The following AGAP1 variants were observed in gnomAD, a reference collection of about 807,000 sequenced individuals.
AGAP1 encodes ArfGAP with GTPase domain, ankyrin repeat and PH domain 1.
In AGAP1, 29 loss-of-function variants were observed where a neutral mutation model predicts 105.3. The observed-to-expected ratio is 0.28, with a 90% CI of 0.21 to 0.38. AGAP1 has a LOEUF of 0.38. AGAP1 is among the 10% of genes least tolerant of loss of function. AGAP1 has a pLI of 1.00. For synonymous variants in AGAP1, 509 were observed against 485.9 expected, an observed-to-expected ratio of 1.05 and a Z score of -0.63; for missense variants, 998 against 1,165.1, an observed-to-expected ratio of 0.86 and a Z score of 2.09.
chr2:236,090,975 G>GAATA lies in AGAP1; in HGVS notation c.2115-29217_2115-29216insAATA. Among the ~76,000 whole-genome samples the GAATA allele has an allele frequency of 1.3e-5, 2 of 152,222 alleles. No homozygotes were observed. The highest frequency in any genetic ancestry group is 4.8e-5 in the African/African-American group (2 of 41,460). On this transcript the variant is annotated intron_variant, in intron 16 of 17. Transcript: ENST00000304032. This position sits in a 1 kb window ranked among gnomAD's most constrained non-coding sequence, Gnocchi z 4.3. The stretch of plus-strand genomic sequence containing the variant: ...GCTGGTGTCGACCTCCTGACCTCAG[G>GAATA]TGATCTGCCCACCTCGGCCTCCCGA...
At chr2:235,894,418 C>A (rs2050700025) in intron 10 of AGAP1, among the ~76,000 whole-genome samples, 1 of 152,180 alleles carries the variant, frequency 6.6e-6, no homozygotes, top group African/African-American at 2.4e-5. Flanking sequence ...ATATCTGGCC[C>A]TTCAAGCCAG....
chr2:235,780,609 T>C (rs1276816206), intron 6 of AGAP1, among the ~76,000 whole-genome samples: 1 of 152,224 alleles, frequency 6.6e-6, no homozygotes, highest in African/African-American at 2.4e-5. Flanking sequence ...TGCAACGGTG[T>C]AGCTAATGAG....
intron 9 of AGAP1, among the ~76,000 whole-genome samples, chr2:235,862,194 A>G (rs948794681): frequency 6.6e-6 from 1 of 151,776 alleles, no homozygotes; most frequent in Non-Finnish European, 1.5e-5. Flanking sequence ...GCCCGGGACC[A>G]TGACTCTGAT....
chr2:236,115,382 G>A (rs755035748), intron 16 of AGAP1, among the ~76,000 whole-genome samples: 62 of 152,036 alleles, frequency 4.1e-4, no homozygotes, highest in Admixed American at 1.6e-3. Flanking sequence ...AAAGGCGAAC[G>A]TCTACACCAC....
Position 235,793,285 on chromosome 2 carries a change from TC to T in AGAP1, c.674-4472del, listed in dbSNP as rs1280165227. ...GAATGGGGCGTGGCACACGGTGTAATCCGGGCAGCCTTGGCGAGCACCTCCT... is the reference window on the plus strand; with the variant it reads ...GAATGGGGCGTGGCACACGGTGTAATCGGGCAGCCTTGGCGAGCACCTCCT... On this transcript the variant is annotated intron_variant, in intron 6 of 17. Coordinates refer to ENST00000304032, the MANE Select transcript of AGAP1 (RefSeq NM_001037131.3). The surrounding 1 kb of genome is among the most constrained non-coding windows in gnomAD (Gnocchi z 5.3). 3.3e-5 allele frequency among the ~76,000 whole-genome samples: 5 copies of T among 152,152 alleles called. No individual in the cohort carries two copies. Among genetic ancestry groups the T allele is most frequent in the African/African-American group, 9.7e-5 (4 of 41,436 alleles).
chr2:235,886,882 T>G (rs778556808), intron 10 of AGAP1, among the ~76,000 whole-genome samples: 10 of 151,704 alleles, frequency 6.6e-5, no homozygotes, highest in Non-Finnish European at 1.3e-4. Context: ...CTCTGACAGG[T>G]GCATACGAGT....
chr2:235,635,236 C>G lies in AGAP1; in HGVS notation c.164-73943C>G, dbSNP rs934019562. 5.3e-5 allele frequency among the ~76,000 whole-genome samples: 8 copies of G among 152,146 alleles called. No homozygotes were observed. The highest frequency in any genetic ancestry group is 1.7e-4 in the African/African-American group (7 of 41,442). Reference sequence around the variant, plus strand: ...CAGCAGTGGGTCGGTCAAACCTTTCCAAGCCTCCGTGTCCTCATCTGAAAA... The same window carrying G: ...CAGCAGTGGGTCGGTCAAACCTTTCGAAGCCTCCGTGTCCTCATCTGAAAA... On this transcript the variant is annotated intron_variant, in intron 1 of 17. Transcript: ENST00000304032. The surrounding 1 kb of genome is among the most constrained non-coding windows in gnomAD (Gnocchi z 5.3).
intron 16 of AGAP1, among the ~76,000 whole-genome samples, chr2:236,070,751 T>C (rs1328587433): frequency 6.6e-6 from 1 of 151,868 alleles, no homozygotes; most frequent in Non-Finnish European, 1.5e-5. Context: ...AGAAAGTGGA[T>C]TGGGGTGGCC....
At chr2:235,861,431 A>G (rs6709782) in intron 9 of AGAP1, among the ~76,000 whole-genome samples, 62,108 of 152,110 alleles carry the variant, frequency 0.41, 13,827 homozygotes, top group South Asian at 0.63. Flanking sequence ...CTACTCCCTC[A>G]TCAGGGAACA....
At chr2:236,102,627 G>C (rs553302963) in intron 16 of AGAP1, among the ~76,000 whole-genome samples, 7 of 151,420 alleles carry the variant, frequency 4.6e-5, no homozygotes, top group Admixed American at 1.3e-4. Context: ...AACTTCCTTT[G>C]AGCAGAATAA....
rs1943748805 is a variant in AGAP1, at chr2:235,549,868, G to T, written c.163+55019G>T. On this transcript the variant is annotated intron_variant, in intron 1 of 17. Transcript: ENST00000304032. The surrounding 1 kb of genome is among the most constrained non-coding windows in gnomAD (Gnocchi z 4.2). ...GAGCATGGGGATTAGTGGAGTGAGT[G>T]GGAGGACTCGCCCTGCGCAGGTGGA... is the stretch of plus-strand genomic sequence containing the variant. Among the ~76,000 whole-genome samples the T allele has an allele frequency of 6.6e-6, 1 of 152,174 alleles. No homozygotes were observed. Among genetic ancestry groups the T allele is most frequent in the South Asian group, 2.1e-4 (1 of 4,830 alleles).
intron 7 of AGAP1, among the ~76,000 whole-genome samples, chr2:235,798,278 A>G (rs1559500595): frequency 6.6e-6 from 1 of 152,160 alleles, no homozygotes; most frequent in Non-Finnish European, 1.5e-5. Flanking sequence ...ATTCAATTAT[A>G]ATTACCATCT....
intron 16 of AGAP1, among the ~76,000 whole-genome samples, chr2:236,052,926 G>T (rs1009213006): frequency 6.6e-6 from 1 of 152,194 alleles, no homozygotes; most frequent in Admixed American, 6.5e-5. Context: ...TCGATTTTAA[G>T]TGGGGATGTT....
In AGAP1 at chr2:235,970,689, G is replaced by A. The variant is rs1022781430; in HGVS notation, c.1645+2066G>A. ...TCATTATCCCACCCACGTGTTGACCGCTGTGTAAATGAGTGAATAAATCAG... is the reference window on the plus strand; with the variant it reads ...TCATTATCCCACCCACGTGTTGACCACTGTGTAAATGAGTGAATAAATCAG... On this transcript the variant is annotated intron_variant, in intron 13 of 17. Coordinates refer to ENST00000304032, the MANE Select transcript of AGAP1 (RefSeq NM_001037131.3). This position sits in a 1 kb window ranked among gnomAD's most constrained non-coding sequence, Gnocchi z 5.4. 5.3e-5 allele frequency among the ~76,000 whole-genome samples: 8 copies of A among 152,314 alleles called. No individual in the cohort carries two copies. Among genetic ancestry groups the A allele is most frequent in the South Asian group, 4.1e-4 (2 of 4,830 alleles).
chr2:236,060,093 AAC>A (rs370048554), intron 16 of AGAP1, among the ~76,000 whole-genome samples: 14 of 151,504 alleles, frequency 9.2e-5, no homozygotes, highest in African/African-American at 2.4e-4. Flanking sequence ...TTCGTCTCAA[AAC>A]ACACACACAC....
rs1949655635 is a variant in AGAP1 at position 235,689,858 on chromosome 2, C to T, written c.164-19321C>T. On this transcript the variant is annotated intron_variant, in intron 1 of 17. Transcript: ENST00000304032. This position sits in a 1 kb window ranked among gnomAD's most constrained non-coding sequence, Gnocchi z 4.2. ...AGAGCATCTGGGGTGGTGTCCTACACCTCCTTTCCAGGAGTTTCTGTGTGC... is the reference window on the plus strand; with the variant it reads ...AGAGCATCTGGGGTGGTGTCCTACATCTCCTTTCCAGGAGTTTCTGTGTGC... 6.6e-6 allele frequency among the ~76,000 whole-genome samples: 1 copy of T among 152,218 alleles called. No individual in the cohort carries two copies. The highest frequency in any genetic ancestry group is 1.5e-5 in the Non-Finnish European group (1 of 68,034).
chr2:235,589,572 G>T (rs2149208394), intron 1 of AGAP1, among the ~76,000 whole-genome samples: 1 of 152,200 alleles, frequency 6.6e-6, no homozygotes, highest in African/African-American at 2.4e-5. Context: ...GTAACTCCTG[G>T]TTCTTCATGG....
chr2:235,995,065 C>CAAAAAAAAAAAAAAAA (rs58097220), intron 13 of AGAP1, among the ~76,000 whole-genome samples: 2 of 60,944 alleles, frequency 3.3e-5, no homozygotes, highest in Non-Finnish European at 5.7e-5. Flanking sequence ...GACTCTGTCT[C>CAAAAAAAAAAAAAAAA]AAAAAAAAAA....
intron 6 of AGAP1, among the ~76,000 whole-genome samples, chr2:235,761,422 CT>C (rs1381476450): frequency 6.6e-6 from 1 of 152,182 alleles, no homozygotes; most frequent in African/African-American, 2.4e-5. Flanking sequence ...TAAGACTCAT[CT>C]CTTTTGCTCA....
Sources: gnomAD v4.1 joint callset for allele counts (sites outside exome capture counted in the v4.1 genomes callset) on GRCh38, gnomAD v4.1.1 for gene constraint, Gnocchi (gnomAD v3.1) non-coding constraint, MANE v1.5 for transcripts, NCBI Gene and HGNC (gene_info 2026-07-23, HGNC 2026-07-21) for gene names.